Variants in ECHDC1 observed in about 807,000 individuals in gnomAD.
ECHDC1 encodes ethylmalonyl-CoA decarboxylase.
A neutral mutation model predicts 29.7 loss-of-function variants in ECHDC1; 29 were observed. The ratio of observed to expected loss-of-function variants is 0.98; its 90% CI spans 0.73 to 1.33. The LOEUF (loss-of-function observed/expected upper bound fraction) is 1.33. Among genes scored for constraint, ECHDC1 ranks in the 40% most tolerant of loss-of-function variants. The pLI is 0.00. For missense variants in ECHDC1, 328 were observed against 350.0 expected, an observed-to-expected ratio of 0.94 and a Z score of 0.50; for synonymous variants, 126 against 123.1, an observed-to-expected ratio of 1.02 and a Z score of -0.15.
At chr6:127,291,067 C>T (rs1384192140) in intron 5 of ECHDC1, among the ~76,000 whole-genome samples, 1 of 151,954 alleles carries the variant, frequency 6.6e-6, no homozygotes, top group Non-Finnish European at 1.5e-5. Context: ...TGCTTAGTAT[C>T]TCTGGGGACG....
chr6:127,303,944 G>T (rs935202864), intron 5 of ECHDC1, among the ~76,000 whole-genome samples: 2 of 152,144 alleles, frequency 1.3e-5, no homozygotes, highest in Non-Finnish European at 2.9e-5. Context: ...AGCACCTCTG[G>T]ACTTTTCCAG....
chr6:127,290,011 C>G lies in ECHDC1; in HGVS notation c.764G>C (p.Arg255Thr). The G allele has an allele frequency of 6.2e-7, 1 of 1,613,716 alleles. No individual in the cohort carries two copies. The highest frequency in any genetic ancestry group is 8.5e-7 in the Non-Finnish European group (1 of 1,179,772). The change falls in exon 6 of 6, where the codon AGA becomes ACA. Residue 255 changes from arginine to threonine, a missense_variant. Transcript: ENST00000454859. ...QFIQGPPEVI[R>T]ALKKSVCSGR... ...TGAACAAACAGATTTTTTCAAAGCT[C>G]TAATTACTTCCGGTGGCCCTTGGAT... is the stretch of plus-strand genomic sequence containing the variant.
Position 127,342,508 on chromosome 6 carries a change from C to T in ECHDC1, c.-3+828G>A, listed in dbSNP as rs1167931313. ...GCCCGTTCTATTACTGCGCTGCTCC[C>T]TCCCCTCGTAGATTTCACAAATATA... On this transcript the variant is annotated intron_variant, in intron 1 of 5. Transcript: ENST00000454859. 7.9e-6 allele frequency: 6 copies of T among 757,762 alleles called. No individual in the cohort carries two copies. In the South Asian group the frequency reaches 1.4e-4, roughly 18 times the overall value. The allele number at this position is 757,762 out of a possible 1,614,324, so 46.9% of individuals were successfully genotyped here.
rs1259110704 is a variant in ECHDC1 at position 127,342,765 on chromosome 6, T to C, written c.-3+571A>G. On this transcript the variant is annotated intron_variant, in intron 1 of 5. Transcript: ENST00000454859. Reference sequence around the variant, plus strand: ...AAACTTAACTGTGTTTTTAATCCCCTACACGTGTAATCCCTGTATGTGTGC... The same window carrying C: ...AAACTTAACTGTGTTTTTAATCCCCCACACGTGTAATCCCTGTATGTGTGC... The C allele has an allele frequency of 1.7e-5, 3 of 181,170 alleles. No homozygotes were observed. In the East Asian group the frequency reaches 4.3e-4, roughly 26 times the overall value. 11.2% of individuals were successfully genotyped at this position (181,170 alleles called of 1,614,324 possible).
At chr6:127,317,224 G>A (rs1782461098) in intron 3 of ECHDC1, among the ~76,000 whole-genome samples, 1 of 151,852 alleles carries the variant, frequency 6.6e-6, no homozygotes, top group Non-Finnish European at 1.5e-5. Flanking sequence ...TTATTTCTTT[G>A]TTTGTTCTTT....
At chr6:127,295,831 A>C (rs1780553123) in intron 5 of ECHDC1, among the ~76,000 whole-genome samples, 1 of 152,222 alleles carries the variant, frequency 6.6e-6, no homozygotes, top group Non-Finnish European at 1.5e-5. Context: ...TCACAGCATT[A>C]ATCATTTTAG....
chr6:127,324,246 T>A (rs961902886), intron 3 of ECHDC1, among the ~76,000 whole-genome samples: 1 of 152,180 alleles, frequency 6.6e-6, no homozygotes, highest in Non-Finnish European at 1.5e-5. Context: ...ATCATCTTAA[T>A]ATTACTAATT....
chr6:127,305,907 C>A (rs1781402360), intron 5 of ECHDC1, among the ~76,000 whole-genome samples: 1 of 150,134 alleles, frequency 6.7e-6, no homozygotes. Flanking sequence ...ACAAAACAAC[C>A]CAAAAAACAA....
chr6:127,341,248 C>A (rs968368449), intron 1 of ECHDC1, among the ~76,000 whole-genome samples: 9 of 152,162 alleles, frequency 5.9e-5, no homozygotes, highest in African/African-American at 1.7e-4. Flanking sequence ...CTGCTAGATT[C>A]ACTGACCCCA....
intron 3 of ECHDC1, among the ~76,000 whole-genome samples, chr6:127,320,454 G>A (rs981916039): frequency 2.6e-5 from 4 of 152,164 alleles, no homozygotes; most frequent in Non-Finnish European, 5.9e-5. Flanking sequence ...AAGTAACAAG[G>A]AAAGTTAAGG....
chr6:127,342,200 T>C (rs774644504), intron 1 of ECHDC1, among the ~76,000 whole-genome samples: 3 of 152,260 alleles, frequency 2.0e-5, no homozygotes, highest in Non-Finnish European at 4.4e-5. Flanking sequence ...CACTCTTTGC[T>C]GTAATTAGTT....
intron 5 of ECHDC1, among the ~76,000 whole-genome samples, chr6:127,290,940 T>C (rs1359032342): frequency 1.3e-5 from 2 of 152,150 alleles, no homozygotes; most frequent in East Asian, 3.9e-4. Flanking sequence ...CTATTTTCGA[T>C]GAAGAAGGAC....
rs559084127 is a variant in ECHDC1 at position 127,330,714 on chromosome 6, T to G, written c.220+95A>C. The G allele has an allele frequency of 1.2e-5, 13 of 1,063,102 alleles. No homozygotes were observed. In the South Asian group the frequency reaches 1.8e-4, roughly 15 times the overall value. 65.9% of individuals were successfully genotyped at this position (1,063,102 alleles called of 1,614,324 possible). ...CATGTTCTACCAAGAGTACAAGGAC[T>G]TTAAAACATTCTGTCACCACAGCAA... On this transcript the variant is annotated intron_variant, in intron 2 of 5. Coordinates refer to ENST00000454859, the MANE Select transcript of ECHDC1 (RefSeq NM_001002030.2).
At chr6:127,306,403 C>T (rs1781442684) in intron 5 of ECHDC1, among the ~76,000 whole-genome samples, 1 of 152,052 alleles carries the variant, frequency 6.6e-6, no homozygotes, top group African/African-American at 2.4e-5. Flanking sequence ...GGATTTGGGT[C>T]CTCACCCAAA....
chr6:127,323,429 T>G (rs1783016518), intron 3 of ECHDC1, among the ~76,000 whole-genome samples: 1 of 151,884 alleles, frequency 6.6e-6, no homozygotes, highest in Admixed American at 6.5e-5. Flanking sequence ...TCATTAATGA[T>G]AATGTTTACT....
chr6:127,294,542 G>A (rs1196841220), intron 5 of ECHDC1: 1 of 152,124 alleles, frequency 6.6e-6, no homozygotes. Flanking sequence ...GGCTTCATGA[G>A]TTTCCATTCA....
Position 127,309,444 on chromosome 6 carries a change from TAAA to T in ECHDC1, c.497+5369_497+5371del, listed in dbSNP as rs1562314409. ...ACCACAGACAAAAATCAAATCAAAA[TAAA>T]GAAAAAGAAAAAACCCAGAAAACAA... On this transcript the variant is annotated intron_variant, in intron 5 of 5. Transcript: ENST00000454859. Among the ~76,000 whole-genome samples, 15 of 143,120 alleles carry T rather than the reference TAAA, an allele frequency of 1.0e-4. 1 individual carries two copies. The East Asian group carries it at 3.1e-3, about 30-fold the overall frequency. The allele number at this position is 143,120 out of a possible 152,430, so 93.9% of individuals were successfully genotyped here.
At position 127,327,098 on chromosome 6, in the gene ECHDC1, A is replaced by G; in HGVS notation, c.267T>C (p.Asn89=). The G allele has an allele frequency of 6.2e-7, 1 of 1,614,040 alleles. No individual in the cohort carries two copies. The highest frequency in any genetic ancestry group is 8.5e-7 in the Non-Finnish European group (1 of 1,179,966). Residue 89 remains asparagine, a synonymous_variant, in exon 3 of 6, where the codon AAT becomes AAC. Transcript: ENST00000454859. ...QLLEKVIELE[N]WTEGKGLIVR... is the part of the protein sequence containing the mutation. ...CAATGAGGCCTTTCCCCTCTGTCCA[A>G]TTTTCCAATTCAATTACTTTTTCCA...
chr6:127,289,331 T>C lies in ECHDC1; in HGVS notation c.*538A>G, dbSNP rs1363172420. The C allele has an allele frequency of 6.6e-6, 1 of 152,110 alleles. No homozygotes were observed. The highest frequency in any genetic ancestry group is 1.9e-4 in the East Asian group (1 of 5,160). 9.4% of individuals were successfully genotyped at this position (152,110 alleles called of 1,614,324 possible). ...AAAGAACAAAGTTCCAAATTTGTAG[T>C]GGGTAGTGAGGTACATCTTTTTTTA... is the stretch of plus-strand genomic sequence containing the variant. On this transcript the variant is annotated 3_prime_UTR_variant, in exon 6 of 6. Coordinates refer to ENST00000454859, the MANE Select transcript of ECHDC1 (RefSeq NM_001002030.2).
Sources: allele counts gnomAD v4.1 joint callset (sites outside exome capture counted in the v4.1 genomes callset), GRCh38; gene constraint gnomAD v4.1.1; transcripts MANE v1.5; gene names NCBI Gene and HGNC (gene_info 2026-07-23, HGNC 2026-07-21).